Variants in KCNT1 observed in about 807,000 individuals in gnomAD.
KCNT1 encodes the protein potassium channel subfamily T member 1.
KCNT1 carries 78 observed loss-of-function variants against 147.8 expected under a neutral mutation model. That is an observed-to-expected ratio of 0.53 (90% CI 0.44 to 0.64). KCNT1 has a LOEUF of 0.64. Among genes scored for constraint, KCNT1 ranks in the 30% least tolerant of loss-of-function variants. The pLI, the probability that KCNT1 is intolerant of heterozygous loss-of-function variation, is 0.00. For missense variants in KCNT1, 1,419 were observed against 1,750.3 expected, an observed-to-expected ratio of 0.81 and a Z score of 3.38; for synonymous variants, 867 against 748.8, an observed-to-expected ratio of 1.16 and a Z score of -2.58.
intron 2 of KCNT1, among the ~76,000 whole-genome samples, chr9:135,744,225 C>A (rs1410444621): frequency 6.6e-6 from 1 of 152,260 alleles, no homozygotes; most frequent in Non-Finnish European, 1.5e-5. Flanking sequence ...GCCAGTCCCC[C>A]AGCCTGCAGC....
chr9:135,703,771 C>G (rs112973394), intron 1 of KCNT1, among the ~76,000 whole-genome samples: 1 of 152,216 alleles, frequency 6.6e-6, no homozygotes, highest in East Asian at 1.9e-4. Flanking sequence ...CTGCTCCAGA[C>G]GAGCCGGCAG....
chr9:135,731,991 T>TATAGAGAGAGAG (rs1276318460), intron 2 of KCNT1, among the ~76,000 whole-genome samples: 35 of 21,678 alleles, frequency 1.6e-3, no homozygotes, highest in African/African-American at 2.5e-3. Flanking sequence ...TATATATATA[T>TATAGAGAGAGAG]AGAGAGAGAG....
intron 29 of KCNT1, among the ~76,000 whole-genome samples, chr9:135,787,716 C>G (rs907368189): frequency 4.6e-5 from 7 of 152,172 alleles, no homozygotes; most frequent in Non-Finnish European, 7.4e-5. Flanking sequence ...GGGAAGGTGT[C>G]CCCCTGTCCC....
chr9:135,768,798 G>T lies in KCNT1; in HGVS notation c.1402-31G>T, dbSNP rs752797445. ...CCCAGCAGCCCACAGAGGCCAGCCC[G>T]TCTGCACTGACCAACCACCCACCCC... On this transcript the variant is annotated intron_variant, in intron 14 of 30. Transcript: ENST00000371757. The T allele has an allele frequency of 3.1e-6, 5 of 1,592,176 alleles. No individual in the cohort carries two copies. The South Asian group carries it at 4.5e-5, about 14-fold the overall frequency.
In KCNT1 at chr9:135,757,206, C is replaced by G. The variant is rs1217512521; in HGVS notation, c.651C>G (p.Ile217Met). The change falls in exon 8 of 31, where the codon ATC becomes ATG. Residue 217 changes from isoleucine (I) to methionine (M), a missense_variant. Around this residue, in one of 5 missense-constraint regions of KCNT1, gnomAD observed 401 missense variants for 610.6 expected, o/e 0.66. Coordinates refer to ENST00000371757, the MANE Select transcript of KCNT1 (RefSeq NM_020822.3). ...IFRVSFVLEM[I>M]NTLPFIITIF... The stretch of plus-strand genomic sequence containing the variant: ...GCGTGTCCTTCGTCCTGGAGATGAT[C>G]AACACTCTGCCCTTCATCATCACGG... 2 of 1,610,832 alleles carry G rather than the reference C, an allele frequency of 1.2e-6. No individual in the cohort carries two copies. The highest frequency in any genetic ancestry group is 2.2e-5 in the South Asian group (2 of 90,934).
rs1336430001 is a variant in KCNT1 at position 135,772,780 on chromosome 9, G to A, written c.2074G>A (p.Gly692Ser). Residue 692 changes from glycine (G) to serine (S), a missense_variant, in exon 19 of 31, where the codon GGC becomes AGC. By Grantham distance (56) the Gly-to-Ser change is moderately conservative (BLOSUM62 0). This residue lies in a region of KCNT1 where 284 missense variants were observed against 292.8 expected (regional missense o/e 0.97). Coordinates refer to ENST00000371757, the MANE Select transcript of KCNT1 (RefSeq NM_020822.3). ...RPTQSGGGGG[G>S]SKLALPTENG... Reference sequence around the variant, plus strand: ...TACGCAGAGCGGCGGTGGGGGCGGGGGCAGCAAGCTGGCACTGCCCACGGA... The same window carrying A: ...TACGCAGAGCGGCGGTGGGGGCGGGAGCAGCAAGCTGGCACTGCCCACGGA... 2 of 1,490,252 alleles carry A rather than the reference G, an allele frequency of 1.3e-6. No homozygotes were observed. Among genetic ancestry groups the A allele is most frequent in the Non-Finnish European group, 8.9e-7 (1 of 1,117,796 alleles). 92.3% of individuals were successfully genotyped at this position (1,490,252 alleles called of 1,614,324 possible).
At chr9:135,791,984 C>CGGCAGGTCATT in intron 30 of KCNT1, 57 bp from the exon 31 acceptor site, 1 of 1,605,890 alleles carries the variant, frequency 6.2e-7, no homozygotes, top group Non-Finnish European at 8.5e-7. Context: ...CAGCAGAGGG[C>CGGCAGGTCATT]TGAGCAGGGG....
chr9:135,776,673 A>G lies in KCNT1; in HGVS notation c.2350-665A>G, dbSNP rs142291291. Among the ~76,000 whole-genome samples, 819 of 152,330 alleles carry G rather than the reference A, an allele frequency of 5.4e-3. 8 individuals carry two copies. The highest frequency in any genetic ancestry group is 0.019 in the African/African-American group (793 of 41,574). ...TGTGTGTGTGTCCTTCACGGACCAC[A>G]GGCTCCCAGCATATTCTGTGGGTTA... On this transcript the variant is annotated intron_variant, in intron 20 of 30. Transcript: ENST00000371757.
chr9:135,734,499 C>T (rs992181341), intron 2 of KCNT1, among the ~76,000 whole-genome samples: 11 of 152,208 alleles, frequency 7.2e-5, no homozygotes, highest in African/African-American at 1.2e-4. Flanking sequence ...CAGCAAGTTG[C>T]GAAGATCCTC....
chr9:135,783,350 C>T (rs1833757110), intron 24 of KCNT1, among the ~76,000 whole-genome samples: 3 of 152,212 alleles, frequency 2.0e-5, no homozygotes, highest in Admixed American at 1.3e-4. Flanking sequence ...CAAGCCAAGG[C>T]AGGTGGCCTC....
chr9:135,742,709 G>A (rs1588294898), intron 2 of KCNT1: 4 of 716,520 alleles, frequency 5.6e-6, no homozygotes, highest in Non-Finnish European at 7.8e-6. Context: ...CTATCTGTCT[G>A]CTGCCTTCTC....
chr9:135,725,188 C>T (rs1019812802), intron 2 of KCNT1, among the ~76,000 whole-genome samples: 3 of 152,028 alleles, frequency 2.0e-5, no homozygotes, highest in Non-Finnish European at 1.5e-5. Context: ...ACACAGCTGC[C>T]GGGGGGGACC....
At chr9:135,748,293 G>T (rs1383008129) in intron 2 of KCNT1, among the ~76,000 whole-genome samples, 1 of 152,216 alleles carries the variant, frequency 6.6e-6, no homozygotes, top group Admixed American at 6.5e-5. Flanking sequence ...CAAGGCAGGT[G>T]CTGGGACTCT....
chr9:135,771,851 G>A (rs12006251), intron 18 of KCNT1, among the ~76,000 whole-genome samples: 44,221 of 152,132 alleles, frequency 0.29, 6,465 homozygotes, highest in African/African-American at 0.31. Context: ...ACCCACAGCC[G>A]GGCCAGCATG....
In KCNT1 at chr9:135,730,990, T is replaced by TAAAAAAAAAAAAAAAAACAAAAAAAAAA. The variant is rs1836407364; in HGVS notation, c.254+16287_254+16288insCAAAAAAAAAAAAAAAAAAAAAAAAAAA. 1.2e-5 allele frequency among the ~76,000 whole-genome samples: 1 copy of TAAAAAAAAAAAAAAAAACAAAAAAAAAA among 85,594 alleles called. No individual in the cohort carries two copies. The highest frequency in any genetic ancestry group is 2.2e-5 in the Non-Finnish European group (1 of 44,680). The allele number at this position is 85,594 out of a possible 152,430, so 56.2% of individuals were successfully genotyped here. On this transcript the variant is annotated intron_variant, in intron 2 of 30. Transcript: ENST00000371757. The surrounding 1 kb of genome is among the most constrained non-coding windows in gnomAD (Gnocchi z 4.7). ...AACAAAGTGAGATCCCGTCTCAAGG[T>TAAAAAAAAAAAAAAAAACAAAAAAAAAA]AAAAAAAAAAAAAAAAAAAAAAAGT...
At chr9:135,708,834 C>T (rs1204064711) in intron 1 of KCNT1, among the ~76,000 whole-genome samples, 1 of 152,194 alleles carries the variant, frequency 6.6e-6, no homozygotes, top group African/African-American at 2.4e-5. Context: ...CGTGAGGCAC[C>T]ATGCTGGACC....
intron 26 of KCNT1, 44 bp downstream of exon 26, chr9:135,784,662 T>G: frequency 6.2e-7 from 1 of 1,610,216 alleles, no homozygotes; most frequent in Non-Finnish European, 8.5e-7. Flanking sequence ...TGCTGGGCTG[T>G]CCAAGTGGGT....
chr9:135,765,866 A>G (rs1270888336), intron 13 of KCNT1, 106 bp downstream of exon 13: 5 of 1,107,420 alleles, frequency 4.5e-6, no homozygotes, highest in Non-Finnish European at 6.5e-6. Context: ...AATGAGAGCC[A>G]TGAGAGCATT....
chr9:135,712,387 A>T (rs1835538067), intron 1 of KCNT1, among the ~76,000 whole-genome samples: 1 of 152,180 alleles, frequency 6.6e-6, no homozygotes, highest in African/African-American at 2.4e-5. Context: ...GGGGTCCTAG[A>T]TTTCCTCCAG....
Sources: allele counts gnomAD v4.1 joint callset (sites outside exome capture counted in the v4.1 genomes callset), GRCh38; gene constraint gnomAD v4.1.1; regional missense constraint gnomAD v4.1.1; non-coding constraint Gnocchi (gnomAD v3.1); transcripts MANE v1.5; gene names NCBI Gene and HGNC (gene_info 2026-07-23, HGNC 2026-07-21).